Variants in TBC1D4 observed in about 807,000 individuals in gnomAD.
TBC1D4 encodes the protein TBC1 domain family member 4, also known as TBC (Tre-2, BUB2, CDC16) domain-containing protein.
A neutral mutation model predicts 142.5 loss-of-function variants in TBC1D4; 121 were observed. That is an observed-to-expected ratio of 0.85 (90% CI 0.73 to 0.99). The LOEUF (loss-of-function observed/expected upper bound fraction) is 0.99. Ranked by LOEUF, TBC1D4 falls within the 50% of genes least tolerant of loss-of-function variation. The probability of loss-of-function intolerance (pLI) is 0.00; values close to 1 mark genes in which losing one functional copy is unlikely to be tolerated. For missense variants in TBC1D4, 1,475 were observed against 1,606.6 expected, an observed-to-expected ratio of 0.92 and a Z score of 1.40; for synonymous variants, 630 against 628.2, an observed-to-expected ratio of 1.00 and a Z score of -0.04.
chr13:75,299,274 G>C (rs745541874), intron 17 of TBC1D4, 56 bp downstream of exon 17: 34 of 1,610,830 alleles, frequency 2.1e-5, no homozygotes, highest in Non-Finnish European at 2.7e-5. Flanking sequence ...TTGAGAAGAG[G>C]GCCAGGATTT....
At chr13:75,389,624 A>C (rs1344492996) in intron 1 of TBC1D4, among the ~76,000 whole-genome samples, 5 of 147,510 alleles carry the variant, frequency 3.4e-5, no homozygotes, top group Non-Finnish European at 7.4e-5. Context: ...TTAAATAAAT[A>C]AAATAGAAGA....
At chr13:75,401,827 T>C (rs1885108642) in intron 1 of TBC1D4, among the ~76,000 whole-genome samples, 1 of 152,216 alleles carries the variant, frequency 6.6e-6, no homozygotes, top group Admixed American at 6.5e-5. Flanking sequence ...GTAAACTCCA[T>C]GGAGACAGAC....
In TBC1D4 at chr13:75,309,922, A is replaced by G; in HGVS notation, c.2593+20T>C. ...CTTCAATCATAGCATCATAGCATTTAGTCTGTTAAAATGGCTAACCTTCAA... is the reference window on the plus strand; with the variant it reads ...CTTCAATCATAGCATCATAGCATTTGGTCTGTTAAAATGGCTAACCTTCAA... On this transcript the variant is annotated intron_variant, in intron 14 of 20. Coordinates refer to ENST00000377636, the MANE Select transcript of TBC1D4 (RefSeq NM_014832.5). 6.2e-7 allele frequency: 1 copy of G among 1,611,434 alleles called. No individual in the cohort carries two copies. The highest frequency in any genetic ancestry group is 1.3e-5 in the African/African-American group (1 of 74,996).
intron 1 of TBC1D4, among the ~76,000 whole-genome samples, chr13:75,446,081 G>C (rs191973728): frequency 6.6e-6 from 1 of 152,314 alleles, no homozygotes; most frequent in African/African-American, 2.4e-5. Flanking sequence ...AATGATACTG[G>C]AACATAAGTA....
chr13:75,388,091 C>T (rs950927427), intron 1 of TBC1D4, among the ~76,000 whole-genome samples: 4 of 152,186 alleles, frequency 2.6e-5, no homozygotes, highest in African/African-American at 4.8e-5. Flanking sequence ...CCTGCAAAGC[C>T]GGCAATAGCG....
intron 1 of TBC1D4, among the ~76,000 whole-genome samples, chr13:75,375,117 G>T (rs968330241): frequency 6.6e-6 from 1 of 152,180 alleles, no homozygotes; most frequent in Non-Finnish European, 1.5e-5. Context: ...CCCATCTGAA[G>T]CCACAAGTAT....
At chr13:75,467,850 A>G (rs1360787803) in intron 1 of TBC1D4, among the ~76,000 whole-genome samples, 1 of 152,190 alleles carries the variant, frequency 6.6e-6, no homozygotes, top group Non-Finnish European at 1.5e-5. Context: ...AAGAGCAGTG[A>G]TTATTATTCT....
intron 1 of TBC1D4, among the ~76,000 whole-genome samples, chr13:75,371,275 A>T (rs1883207745): frequency 6.6e-6 from 1 of 152,240 alleles, no homozygotes; most frequent in Non-Finnish European, 1.5e-5. Flanking sequence ...AAGAAATGAC[A>T]GCTTCCAATA....
intron 9 of TBC1D4, among the ~76,000 whole-genome samples, chr13:75,327,511 G>GT (rs1879367405): frequency 6.6e-6 from 1 of 152,170 alleles, no homozygotes; most frequent in Admixed American, 6.5e-5. Flanking sequence ...CTCAAATACT[G>GT]TTGTCCAAAG....
At chr13:75,477,976 T>C (rs895222426) in intron 1 of TBC1D4, among the ~76,000 whole-genome samples, 33 of 152,198 alleles carry the variant, frequency 2.2e-4, no homozygotes, top group African/African-American at 7.5e-4. Flanking sequence ...CAGTGGTGCA[T>C]TGAGCCATTC....
intron 18 of TBC1D4, among the ~76,000 whole-genome samples, chr13:75,293,526 T>G (rs1283973856): frequency 6.6e-6 from 1 of 152,166 alleles, no homozygotes; most frequent in African/African-American, 2.4e-5. Context: ...GATACACTAT[T>G]CTCTGGGAAG....
rs544357304 is a variant in TBC1D4, at chr13:75,367,949, C to T, written c.499-5342G>A. ...GTATTCAAGGAAACACTAATCATTC[C>T]TAGCCATTTTTCCAGCTCCAGTAGC... On this transcript the variant is annotated intron_variant, in intron 1 of 20. Transcript: ENST00000377636. Among the ~76,000 whole-genome samples the T allele has an allele frequency of 8.5e-5, 13 of 152,262 alleles. No homozygotes were observed. The South Asian group carries it at 2.7e-3, about 32-fold the overall frequency.
chr13:75,301,252 T>A (rs1876513164), intron 16 of TBC1D4, among the ~76,000 whole-genome samples: 2 of 152,146 alleles, frequency 1.3e-5, no homozygotes, highest in Non-Finnish European at 2.9e-5. Flanking sequence ...TAGATATTTT[T>A]AAATAATAAA....
At chr13:75,312,424 AAAAG>A (rs375132840) in intron 13 of TBC1D4, among the ~76,000 whole-genome samples, 14 of 136,016 alleles carry the variant, frequency 1.0e-4, no homozygotes, top group East Asian at 8.2e-4. Flanking sequence ...GGGAAAAAAA[AAAAG>A]AAAGAAAGAA....
chr13:75,433,387 C>T (rs374631442), intron 1 of TBC1D4, among the ~76,000 whole-genome samples: 1 of 152,070 alleles, frequency 6.6e-6, no homozygotes, highest in Non-Finnish European at 1.5e-5. Flanking sequence ...CAATCTGTTC[C>T]GATTCCTGCC....
chr13:75,436,657 C>CAA (rs111561619), intron 1 of TBC1D4, among the ~76,000 whole-genome samples: 168 of 115,490 alleles, frequency 1.5e-3, no homozygotes, highest in Non-Finnish European at 2.1e-3. Context: ...ACCCTGTCTC[C>CAA]AAAAAAAAAA....
chr13:75,427,054 G>T (rs1247861663), intron 1 of TBC1D4, among the ~76,000 whole-genome samples: 1 of 150,938 alleles, frequency 6.6e-6, no homozygotes, highest in African/African-American at 2.4e-5. Context: ...AGAAGAAAAA[G>T]AAAACAAAAA....
intron 1 of TBC1D4, among the ~76,000 whole-genome samples, chr13:75,451,014 A>G (rs17256927): frequency 0.2 from 30,672 of 152,136 alleles, 3,276 homozygotes; most frequent in Middle Eastern, 0.27. Context: ...ATTCTTTTCA[A>G]GCGTCCTTCT....
intron 9 of TBC1D4, 25 bp from the exon 10 acceptor site, chr13:75,326,448 C>A: frequency 6.2e-7 from 1 of 1,612,434 alleles, no homozygotes. Context: ...GAAGGGAGCC[C>A]TTTATTTCCC....
Sources: gnomAD v4.1 joint callset for allele counts (sites outside exome capture counted in the v4.1 genomes callset) on GRCh38, gnomAD v4.1.1 for gene constraint, MANE v1.5 for transcripts, NCBI Gene and HGNC (gene_info 2026-07-23, HGNC 2026-07-21) for gene names.